The following PABPC4L variants were observed in gnomAD, a reference collection of about 807,000 sequenced individuals.
PABPC4L encodes polyadenylate-binding protein 4-like.
For missense variants in PABPC4L, 452 were observed against 451.4 expected, an observed-to-expected ratio of 1.00 and a Z score of -0.01; for synonymous variants, 169 against 164.1, an observed-to-expected ratio of 1.03 and a Z score of -0.23.
the PABPC4L span, among the ~76,000 whole-genome samples, chr4:134,147,014 A>G: frequency 6.6e-6 from 1 of 152,144 alleles, no homozygotes. Flanking sequence ...AGCCAGAAAC[A>G]TGTTAATCCA....
At chr4:134,061,998 C>A in the PABPC4L span, among the ~76,000 whole-genome samples, 193 of 151,700 alleles carry the variant, frequency 1.3e-3, no homozygotes, top group African/African-American at 4.5e-3. Flanking sequence ...AAACATACAA[C>A]TTGTAAATGC....
At chr4:134,117,787 T>C in the PABPC4L span, among the ~76,000 whole-genome samples, 2 of 151,770 alleles carry the variant, frequency 1.3e-5, no homozygotes, top group South Asian at 4.1e-4. Flanking sequence ...AGTTAGCCCA[T>C]CATGCTGTGG....
At chr4:133,995,021 T>C in the PABPC4L span, among the ~76,000 whole-genome samples, 1 of 152,052 alleles carries the variant, frequency 6.6e-6, no homozygotes, top group South Asian at 2.1e-4. Flanking sequence ...CTCCCAGAGG[T>C]GGCCGCTCTG....
At chr4:134,141,267 T>C in the PABPC4L span, among the ~76,000 whole-genome samples, 2 of 151,568 alleles carry the variant, frequency 1.3e-5, no homozygotes, top group African/African-American at 4.8e-5. Context: ...AACTACTCCC[T>C]GTGGCTTTTC....
the PABPC4L span, among the ~76,000 whole-genome samples, chr4:134,117,934 A>C: frequency 3.3e-5 from 5 of 151,752 alleles, no homozygotes; most frequent in African/African-American, 1.2e-4. Flanking sequence ...AACTCCTCTC[A>C]AAATAAAAGC....
chr4:134,178,053 C>G, the PABPC4L span, among the ~76,000 whole-genome samples: 2 of 152,090 alleles, frequency 1.3e-5, no homozygotes, highest in South Asian at 4.1e-4. Context: ...AAAGCCATGC[C>G]TGCTAGAGCT....
chr4:134,064,837 G>A, the PABPC4L span, among the ~76,000 whole-genome samples: 1 of 151,948 alleles, frequency 6.6e-6, no homozygotes, highest in African/African-American at 2.4e-5. Context: ...ACTTATAAGA[G>A]TGAACATGAG....
chr4:134,106,896 G>C, the PABPC4L span, among the ~76,000 whole-genome samples: 1 of 151,160 alleles, frequency 6.6e-6, no homozygotes, highest in South Asian at 2.1e-4. Flanking sequence ...CACTAATCAG[G>C]GGCCATTTTT....
At chr4:134,166,597 C>T in the PABPC4L span, among the ~76,000 whole-genome samples, 1 of 152,146 alleles carries the variant, frequency 6.6e-6, no homozygotes, top group East Asian at 1.9e-4. Flanking sequence ...ACAGGGTCTA[C>T]TTTCTGTGCC....
the PABPC4L span, among the ~76,000 whole-genome samples, chr4:134,031,357 T>A: frequency 6.6e-6 from 1 of 152,026 alleles, no homozygotes; most frequent in Admixed American, 6.6e-5. Context: ...TCATCTCTTT[T>A]AAGATCTGTT....
At chr4:133,990,554 C>G in the PABPC4L span, among the ~76,000 whole-genome samples, 11 of 152,156 alleles carry the variant, frequency 7.2e-5, no homozygotes, top group Non-Finnish European at 2.9e-5. Context: ...TTTTGCCTGA[C>G]AGCCTGTCTA....
chr4:134,185,229 A>G, the PABPC4L span, among the ~76,000 whole-genome samples: 1 of 151,978 alleles, frequency 6.6e-6, no homozygotes, highest in Admixed American at 6.6e-5. Flanking sequence ...ACTCTCCACA[A>G]CAAAAAAAAG....
the PABPC4L span, among the ~76,000 whole-genome samples, chr4:134,048,246 G>T: frequency 1.3e-5 from 2 of 151,938 alleles, no homozygotes; most frequent in Non-Finnish European, 2.9e-5. Context: ...AGACTTATTT[G>T]TAACCACAAA....
the PABPC4L span, among the ~76,000 whole-genome samples, chr4:134,133,029 A>C: frequency 2.1e-5 from 1 of 46,662 alleles, no homozygotes. Context: ...TACTATATAT[A>C]ATATATTTCA....
chr4:134,002,926 T>C, the PABPC4L span, among the ~76,000 whole-genome samples: 1 of 151,694 alleles, frequency 6.6e-6, no homozygotes, highest in Non-Finnish European at 1.5e-5. Context: ...ACATGAGGAG[T>C]CTATTGTTTT....
the PABPC4L span, among the ~76,000 whole-genome samples, chr4:134,021,759 AT>A: frequency 1.3e-5 from 2 of 152,068 alleles, no homozygotes; most frequent in Non-Finnish European, 2.9e-5. Flanking sequence ...TATCATATTT[AT>A]TTTGAATGGT....
At chr4:134,174,688 G>A in the PABPC4L span, among the ~76,000 whole-genome samples, 1,089 of 152,016 alleles carry the variant, frequency 7.2e-3, 43 homozygotes, top group Admixed American at 0.062. Context: ...ATGTGTCTGC[G>A]GTTTTTCCCT....
chr4:134,162,325 A>T, the PABPC4L span, among the ~76,000 whole-genome samples: 3 of 152,114 alleles, frequency 2.0e-5, no homozygotes, highest in Non-Finnish European at 2.9e-5. Flanking sequence ...ACAATCCTAA[A>T]TATATATGCA....
chr4:134,120,376 G>T, the PABPC4L span, among the ~76,000 whole-genome samples: 2 of 143,950 alleles, frequency 1.4e-5, no homozygotes, highest in African/African-American at 5.1e-5. Context: ...ATTTAATATT[G>T]TGTGTATTTA....
Sources: gnomAD v4.1 joint callset for allele counts (sites outside exome capture counted in the v4.1 genomes callset) on GRCh38, gnomAD v4.1.1 for gene constraint, MANE v1.5 for transcripts, NCBI Gene and HGNC (gene_info 2026-07-23, HGNC 2026-07-21) for gene names.